The following SYNDIG1 variants were observed in gnomAD, a reference collection of about 807,000 sequenced individuals.
SYNDIG1 encodes the protein synapse differentiation-inducing gene protein 1.
A neutral mutation model predicts 19.4 loss-of-function variants in SYNDIG1; 9 were observed. That is an observed-to-expected ratio of 0.46 (90% CI 0.28 to 0.81). The LOEUF is 0.81. Among genes scored for constraint, SYNDIG1 ranks in the 30% least tolerant of loss-of-function variants. The pLI is 0.12. For synonymous variants in SYNDIG1, 141 were observed against 145.9 expected, an observed-to-expected ratio of 0.97 and a Z score of 0.24; for missense variants, 311 against 343.3, an observed-to-expected ratio of 0.91 and a Z score of 0.74.
At chr20:24,529,881 GTGA>G (rs200178043) in intron 1 of SYNDIG1, among the ~76,000 whole-genome samples, 1 of 131,308 alleles carries the variant, frequency 7.6e-6, no homozygotes. Context: ...GATGATGGTG[GTGA>G]TGGTGGTGAG....
At chr20:24,596,321 T>A (rs1487722369) in intron 3 of SYNDIG1, among the ~76,000 whole-genome samples, 1 of 152,202 alleles carries the variant, frequency 6.6e-6, no homozygotes, top group Non-Finnish European at 1.5e-5. Flanking sequence ...TAATGTGTAT[T>A]TATGTGTTTA....
chr20:24,661,436 A>AAGAGGGAG, intron 3 of SYNDIG1, among the ~76,000 whole-genome samples: 1 of 138,332 alleles, frequency 7.2e-6, no homozygotes, highest in Non-Finnish European at 1.6e-5. Context: ...GGAGGGAGGA[A>AAGAGGGAG]GGAAGGAGGA....
rs895515737 is a variant in SYNDIG1, at chr20:24,583,818, G to T, written c.481-1038G>T. ...ATACCCCATGTTCTCACTTGTAAGT[G>T]GGAGCTGAATGATGAGGACCCATGG... On this transcript the variant is annotated intron_variant, in intron 2 of 3. Transcript: ENST00000376862. Among the ~76,000 whole-genome samples, 45 of 152,122 alleles carry T rather than the reference G, an allele frequency of 3.0e-4. 1 individual carries two copies. The highest frequency in any genetic ancestry group is 7.3e-5 in the Non-Finnish European group (5 of 68,032).
chr20:24,649,030 G>A (rs1418358466), intron 3 of SYNDIG1, among the ~76,000 whole-genome samples: 4 of 152,222 alleles, frequency 2.6e-5, no homozygotes, highest in African/African-American at 9.6e-5. Flanking sequence ...TGGGGATTAT[G>A]GTCTAGTGGG....
At chr20:24,515,261 G>A (rs1017667112) in intron 1 of SYNDIG1, among the ~76,000 whole-genome samples, 1 of 152,094 alleles carries the variant, frequency 6.6e-6, no homozygotes, top group Non-Finnish European at 1.5e-5. Flanking sequence ...CAGAAGGCAA[G>A]AAATAACTAA....
At chr20:24,510,245 G>T (rs1048309652) in intron 1 of SYNDIG1, among the ~76,000 whole-genome samples, 10 of 152,074 alleles carry the variant, frequency 6.6e-5, no homozygotes, top group African/African-American at 2.4e-4. Context: ...CCTACTCTTG[G>T]TTTGCTTTTT....
intron 1 of SYNDIG1, among the ~76,000 whole-genome samples, chr20:24,518,729 G>C (rs1335233279): frequency 1.3e-5 from 2 of 152,148 alleles, no homozygotes; most frequent in African/African-American, 2.4e-5. Flanking sequence ...CATCACAGAG[G>C]ACGTATCTCC....
intron 3 of SYNDIG1, among the ~76,000 whole-genome samples, chr20:24,618,063 C>T (rs1419513068): frequency 1.8e-5 from 1 of 54,170 alleles, no homozygotes; most frequent in Non-Finnish European, 3.5e-5. Context: ...CAGGAAGAGC[C>T]GGGGGAAGAG....
At chr20:24,652,558 A>T (rs560753648) in intron 3 of SYNDIG1, among the ~76,000 whole-genome samples, 6 of 152,198 alleles carry the variant, frequency 3.9e-5, no homozygotes, top group African/African-American at 1.2e-4. Flanking sequence ...ACCAAATGTG[A>T]TTCTTCATTC....
At chr20:24,493,071 AG>A (rs1013290818) in intron 1 of SYNDIG1, among the ~76,000 whole-genome samples, 15 of 152,268 alleles carry the variant, frequency 9.9e-5, no homozygotes, top group African/African-American at 3.4e-4. Context: ...CAGAAAATTT[AG>A]GGAAACCTTT....
chr20:24,603,927 C>T (rs2058715548), intron 3 of SYNDIG1, among the ~76,000 whole-genome samples: 2 of 152,172 alleles, frequency 1.3e-5, no homozygotes, highest in African/African-American at 2.4e-5. Context: ...AGCACATTCA[C>T]AGTCAACCTT....
At chr20:24,646,656 CTG>C (rs2059425540) in intron 3 of SYNDIG1, among the ~76,000 whole-genome samples, 2 of 151,916 alleles carry the variant, frequency 1.3e-5, no homozygotes. Flanking sequence ...CACTCTCACT[CTG>C]TCACCGAGGC....
chr20:24,628,415 T>A (rs2059191016), intron 3 of SYNDIG1, among the ~76,000 whole-genome samples: 1 of 152,214 alleles, frequency 6.6e-6, no homozygotes, highest in African/African-American at 2.4e-5. Flanking sequence ...ATATATTTAT[T>A]GGTGTGTGGA....
chr20:24,658,902 G>C lies in SYNDIG1; in HGVS notation c.619-6444G>C, dbSNP rs963477589. On this transcript the variant is annotated intron_variant, in intron 3 of 3. Coordinates refer to ENST00000376862, the MANE Select transcript of SYNDIG1 (RefSeq NM_024893.3). The surrounding 1 kb of genome is among the most constrained non-coding windows in gnomAD (Gnocchi z 4.4). ...AAAATTCGGTTCTGCAGTCACATGA[G>C]CCATGCCCCAAGTGCCATGTAGACG... Among the ~76,000 whole-genome samples the C allele has an allele frequency of 3.3e-5, 5 of 152,108 alleles. No homozygotes were observed. The highest frequency in any genetic ancestry group is 7.3e-5 in the Non-Finnish European group (5 of 68,030).
intron 3 of SYNDIG1, among the ~76,000 whole-genome samples, chr20:24,616,309 T>C (rs778171325): frequency 3.1e-4 from 47 of 152,218 alleles, no homozygotes; most frequent in Admixed American, 1.3e-4. Context: ...CCACCTGGCA[T>C]TGTGACATGT....
intron 3 of SYNDIG1, among the ~76,000 whole-genome samples, chr20:24,636,677 T>C (rs1261347653): frequency 1.3e-5 from 2 of 152,192 alleles, no homozygotes; most frequent in African/African-American, 4.8e-5. Context: ...CTGGCCACCA[T>C]GTAGCCTTTT....
At chr20:24,583,610 G>A (rs1035810150) in intron 2 of SYNDIG1, among the ~76,000 whole-genome samples, 2 of 152,220 alleles carry the variant, frequency 1.3e-5, no homozygotes, top group East Asian at 3.9e-4. Context: ...AAAGAGCCCA[G>A]CCAGTGGAAT....
intron 1 of SYNDIG1, among the ~76,000 whole-genome samples, chr20:24,471,829 G>A (rs1197859758): frequency 6.6e-6 from 1 of 152,086 alleles, no homozygotes; most frequent in Non-Finnish European, 1.5e-5. Context: ...AAAATGCTAA[G>A]TATTGGATAG....
At chr20:24,475,024 C>A (rs1212998918) in intron 1 of SYNDIG1, among the ~76,000 whole-genome samples, 1 of 152,234 alleles carries the variant, frequency 6.6e-6, no homozygotes, top group Non-Finnish European at 1.5e-5. Flanking sequence ...AACCACCCCC[C>A]ATGCCCCCAC....
Sources: gnomAD v4.1 joint callset for allele counts (sites outside exome capture counted in the v4.1 genomes callset) on GRCh38, gnomAD v4.1.1 for gene constraint, Gnocchi (gnomAD v3.1) non-coding constraint, MANE v1.5 for transcripts, NCBI Gene and HGNC (gene_info 2026-07-23, HGNC 2026-07-21) for gene names.